Variants in SCTR observed in about 807,000 individuals in gnomAD.
SCTR encodes the protein pancreatic secretin receptor.
In SCTR, 56 loss-of-function variants were observed where a neutral mutation model predicts 60.8. That is an observed-to-expected ratio of 0.92 (90% CI 0.74 to 1.15). The LOEUF is 1.15. Ranked by LOEUF, SCTR falls within the 50% of genes most tolerant of loss-of-function variation. The probability of loss-of-function intolerance (pLI) is 0.00; values close to 1 mark genes in which losing one functional copy is unlikely to be tolerated. For missense variants in SCTR, 562 were observed against 550.4 expected, an observed-to-expected ratio of 1.02 and a Z score of -0.21; for synonymous variants, 202 against 217.0, an observed-to-expected ratio of 0.93 and a Z score of 0.61.
chr2:119,517,904 A>G (rs1365808395), intron 1 of SCTR, among the ~76,000 whole-genome samples: 2 of 152,166 alleles, frequency 1.3e-5, no homozygotes, highest in Admixed American at 6.5e-5. Flanking sequence ...GGGTGGCTGT[A>G]TTTGGAGGTA....
intron 11 of SCTR, among the ~76,000 whole-genome samples, chr2:119,444,914 C>T (rs1220951022): frequency 1.1e-4 from 1 of 8,828 alleles, no homozygotes; most frequent in Admixed American, 9.6e-4. Context: ...TACATATATT[C>T]GTACGAATAT....
At chr2:119,485,009 C>T (rs1226910631) in intron 2 of SCTR, among the ~76,000 whole-genome samples, 1 of 152,168 alleles carries the variant, frequency 6.6e-6, no homozygotes, top group African/African-American at 2.4e-5. Flanking sequence ...ACAGCCTTGC[C>T]GAGCCCATGC....
chr2:119,450,987 T>C (rs1396343809), intron 9 of SCTR, among the ~76,000 whole-genome samples: 6 of 152,202 alleles, frequency 3.9e-5, no homozygotes, highest in African/African-American at 1.4e-4. Context: ...AAACAAACAT[T>C]TTGTATTTTG....
At chr2:119,524,103 C>A (rs889943559) in intron 1 of SCTR, 52 bp downstream of exon 1, 12 of 1,441,178 alleles carry the variant, frequency 8.3e-6, no homozygotes, top group Admixed American at 2.0e-5. Flanking sequence ...GGAGAAAGGG[C>A]GAGACTGTCG....
In SCTR at chr2:119,444,412, T is replaced by C. The variant is rs111207579; in HGVS notation, c.1140+2347A>G. Reference sequence around the variant, plus strand: ...ATATACACATATACGTATGAATATATATACCCATATACGTATGAATATACA... The same window carrying C: ...ATATACACATATACGTATGAATATACATACCCATATACGTATGAATATACA... On this transcript the variant is annotated intron_variant, in intron 11 of 12. Transcript: ENST00000019103. 2.4e-3 allele frequency among the ~76,000 whole-genome samples: 320 copies of C among 133,810 alleles called. 25 individuals carry two copies. Among genetic ancestry groups the C allele is most frequent in the African/African-American group, 9.9e-3 (304 of 30,762 alleles). 87.8% of individuals were successfully genotyped at this position (133,810 alleles called of 152,430 possible).
chr2:119,470,953 G>A (rs374877561), intron 4 of SCTR, among the ~76,000 whole-genome samples: 10 of 152,134 alleles, frequency 6.6e-5, no homozygotes, highest in African/African-American at 2.4e-4. Flanking sequence ...CACCCGTCTC[G>A]ACCTCCCAAA....
At position 119,479,163 on chromosome 2, in the gene SCTR, G is replaced by C. The variant is rs1490177287; in HGVS notation, c.194-245C>G. The C allele has an allele frequency of 6.2e-6, 8 of 1,280,518 alleles. No homozygotes were observed. In the South Asian group the frequency reaches 2.1e-4, roughly 33 times the overall value. 79.3% of individuals were successfully genotyped at this position (1,280,518 alleles called of 1,614,324 possible). On this transcript the variant is annotated intron_variant, in intron 2 of 12. Coordinates refer to ENST00000019103, the MANE Select transcript of SCTR (RefSeq NM_002980.3). ...GGAAGTAAGAAAGGGAGGGAGGAAG[G>C]GAAGAAGGAAAGAAGGAAGGCGCCC...
intron 10 of SCTR, among the ~76,000 whole-genome samples, chr2:119,447,657 T>C (rs956995169): frequency 3.3e-5 from 5 of 152,212 alleles, no homozygotes; most frequent in Admixed American, 2.0e-4. Flanking sequence ...CTGCAACCTC[T>C]GCCTCCCAGG....
At chr2:119,461,487 G>A (rs1217990452) in intron 7 of SCTR, among the ~76,000 whole-genome samples, 3 of 152,172 alleles carry the variant, frequency 2.0e-5, no homozygotes, top group Non-Finnish European at 4.4e-5. Flanking sequence ...CGAGGCGGGC[G>A]GATCACCTGA....
At chr2:119,471,219 C>T (rs1676995848) in intron 4 of SCTR, among the ~76,000 whole-genome samples, 1 of 152,170 alleles carries the variant, frequency 6.6e-6, no homozygotes. Context: ...AGTACAAAGC[C>T]TTCTTATGAA....
intron 2 of SCTR, among the ~76,000 whole-genome samples, chr2:119,482,764 G>A (rs1677684460): frequency 6.6e-6 from 1 of 152,166 alleles, no homozygotes; most frequent in Non-Finnish European, 1.5e-5. Flanking sequence ...CCTGTGGGAT[G>A]GGGACTTGGT....
intron 8 of SCTR, 85 bp from the exon 9 acceptor site, chr2:119,452,164 C>T (rs1190050979): frequency 3.7e-6 from 3 of 815,254 alleles, no homozygotes; most frequent in African/African-American, 3.3e-5. Context: ...CTGAGGTGGC[C>T]CTTGGTATGA....
chr2:119,451,673 G>T (rs1051798667), intron 9 of SCTR, among the ~76,000 whole-genome samples: 25 of 152,180 alleles, frequency 1.6e-4, no homozygotes, highest in Admixed American at 9.2e-4. Context: ...AATGTTCAAG[G>T]CCCACAGGTC....
At chr2:119,464,036 A>T in intron 6 of SCTR, 87 bp downstream of exon 6, 1 of 1,404,518 alleles carries the variant, frequency 7.1e-7, no homozygotes, top group Non-Finnish European at 1.0e-6. Flanking sequence ...GCTTGGGGGA[A>T]GGACAACTAG....
At chr2:119,514,613 C>T (rs60387214) in intron 1 of SCTR, among the ~76,000 whole-genome samples, 7 of 152,136 alleles carry the variant, frequency 4.6e-5, no homozygotes, top group Non-Finnish European at 7.3e-5. Context: ...CAGTGGCTCA[C>T]GGCTGCAATC....
In SCTR at chr2:119,485,601, G is replaced by A. The variant is rs965238495; in HGVS notation, c.194-6683C>T. Among the ~76,000 whole-genome samples, 4 of 152,214 alleles carry A rather than the reference G, an allele frequency of 2.6e-5. 1 individual carries two copies. Among genetic ancestry groups the A allele is most frequent in the African/African-American group, 7.2e-5 (3 of 41,466 alleles). ...AGTGGCAGGGGGCCAGGAACAGCCCGGCCCCCGGGGCCATGCTGAACTGGG... is the reference window on the plus strand; with the variant it reads ...AGTGGCAGGGGGCCAGGAACAGCCCAGCCCCCGGGGCCATGCTGAACTGGG... On this transcript the variant is annotated intron_variant, in intron 2 of 12. Coordinates refer to ENST00000019103, the MANE Select transcript of SCTR (RefSeq NM_002980.3).
At chr2:119,460,743 A>AG (rs1683569984) in intron 7 of SCTR, among the ~76,000 whole-genome samples, 1 of 152,174 alleles carries the variant, frequency 6.6e-6, no homozygotes, top group Non-Finnish European at 1.5e-5. Context: ...CAGAGATGGA[A>AG]TGGGGGCCCG....
At chr2:119,513,582 C>T (rs1371206785) in intron 1 of SCTR, among the ~76,000 whole-genome samples, 1 of 152,148 alleles carries the variant, frequency 6.6e-6, no homozygotes, top group African/African-American at 2.4e-5. Context: ...GGAAATATTG[C>T]TAAAATCATG....
At chr2:119,500,161 C>T (rs552652602) in intron 1 of SCTR, among the ~76,000 whole-genome samples, 4 of 151,770 alleles carry the variant, frequency 2.6e-5, no homozygotes, top group Admixed American at 2.6e-4. Flanking sequence ...TATTTCACCC[C>T]AGTTAGGACT....
Sources: gnomAD v4.1 joint callset for allele counts (sites outside exome capture counted in the v4.1 genomes callset) on GRCh38, gnomAD v4.1.1 for gene constraint, MANE v1.5 for transcripts, NCBI Gene and HGNC (gene_info 2026-07-23, HGNC 2026-07-21) for gene names.